The following NKAIN3 variants were observed in gnomAD, a reference collection of about 807,000 sequenced individuals.
The protein encoded by NKAIN3 is sodium/potassium transporting ATPase interacting 3.
A neutral mutation model predicts 30.2 loss-of-function variants in NKAIN3; 25 were observed. The ratio of observed to expected loss-of-function variants is 0.83; its 90% CI spans 0.60 to 1.16. The LOEUF (loss-of-function observed/expected upper bound fraction) is 1.16, where lower values mean the gene tolerates loss of function less well. NKAIN3 is among the 50% of genes most tolerant of loss of function. The pLI, the probability that NKAIN3 is intolerant of heterozygous loss-of-function variation, is 0.00. For synonymous variants in NKAIN3, 91 were observed against 89.6 expected (o/e 1.02, Z -0.09); for missense variants, 225 against 254.1 (o/e 0.89, Z 0.78).
downstream of NKAIN3, among the ~76,000 whole-genome samples, chr8:62,986,699 T>C (rs1166394538): frequency 6.6e-6 from 1 of 152,238 alleles, no homozygotes; most frequent in African/African-American, 2.4e-5. Context: ...GCATTTATTA[T>C]GGTACTCTTT....
intron 4 of NKAIN3, among the ~76,000 whole-genome samples, chr8:62,904,701 CA>C (rs1218132170): frequency 6.6e-6 from 1 of 152,180 alleles, no homozygotes; most frequent in African/African-American, 2.4e-5. Flanking sequence ...CCTCACTTTG[CA>C]ATGCAATTCT....
chr8:62,341,325 G>A (rs1019920487), intron 1 of NKAIN3, among the ~76,000 whole-genome samples: 1 of 152,090 alleles, frequency 6.6e-6, no homozygotes, highest in East Asian at 1.9e-4. Flanking sequence ...GGTGATATGA[G>A]TTCCCATACT....
At chr8:62,986,845 T>C (rs1824209392), downstream of NKAIN3, among the ~76,000 whole-genome samples, 1 of 152,204 alleles carries the variant, frequency 6.6e-6, no homozygotes, top group Non-Finnish European at 1.5e-5. Context: ...GGATAAAGAC[T>C]CAGATCCAAA....
intron 4 of NKAIN3, among the ~76,000 whole-genome samples, chr8:62,905,847 A>G (rs1448204127): frequency 1.3e-5 from 2 of 152,050 alleles, no homozygotes; most frequent in Non-Finnish European, 2.9e-5. Flanking sequence ...TCATCCATGG[A>G]CCCCTTCTCT....
At chr8:62,456,707 T>G (rs1209076021) in intron 1 of NKAIN3, among the ~76,000 whole-genome samples, 1 of 152,204 alleles carries the variant, frequency 6.6e-6, no homozygotes, top group East Asian at 1.9e-4. Context: ...TGCTGTGAAC[T>G]GATTATACAA....
intron 5 of NKAIN3, among the ~76,000 whole-genome samples, chr8:62,996,418 G>T (rs1245602472): frequency 6.6e-6 from 1 of 152,022 alleles, no homozygotes; most frequent in East Asian, 1.9e-4. Context: ...CGACACTTGG[G>T]GATTACAATT....
At chr8:62,707,869 T>TA (rs1330463066) in intron 3 of NKAIN3, among the ~76,000 whole-genome samples, 4 of 152,222 alleles carry the variant, frequency 2.6e-5, no homozygotes, top group Non-Finnish European at 5.9e-5. Flanking sequence ...GTCTTAGGTT[T>TA]AAGTCCCTAA....
At chr8:62,793,453 C>A (rs1817761122) in intron 4 of NKAIN3, among the ~76,000 whole-genome samples, 1 of 152,108 alleles carries the variant, frequency 6.6e-6, no homozygotes, top group Non-Finnish European at 1.5e-5. Context: ...ACTTACAAAC[C>A]TGTTTTGAAA....
At chr8:62,290,321 A>C (rs1813547983) in intron 1 of NKAIN3, among the ~76,000 whole-genome samples, 1 of 152,096 alleles carries the variant, frequency 6.6e-6, no homozygotes, top group African/African-American at 2.4e-5. Context: ...GTCTTGTGCC[A>C]GTTTTCAAAG....
chr8:62,368,285 T>C (rs1816799839), intron 1 of NKAIN3, among the ~76,000 whole-genome samples: 1 of 152,136 alleles, frequency 6.6e-6, no homozygotes, highest in Non-Finnish European at 1.5e-5. Flanking sequence ...TGAAATATCA[T>C]AGTACTTGAT....
At chr8:62,719,616 T>C (rs1815018612) in intron 3 of NKAIN3, among the ~76,000 whole-genome samples, 3 of 152,198 alleles carry the variant, frequency 2.0e-5, no homozygotes, top group African/African-American at 7.2e-5. Flanking sequence ...TATGGCTTTG[T>C]TCTGAATTGA....
At chr8:62,422,526 C>T (rs1411473994) in intron 1 of NKAIN3, among the ~76,000 whole-genome samples, 2 of 152,118 alleles carry the variant, frequency 1.3e-5, no homozygotes, top group African/African-American at 2.4e-5. Context: ...AAGTATTCTA[C>T]ACTGGTGATG....
At chr8:62,952,929 T>C (rs573270104) in intron 5 of NKAIN3, among the ~76,000 whole-genome samples, 1 of 152,246 alleles carries the variant, frequency 6.6e-6, no homozygotes, top group East Asian at 1.9e-4. Context: ...GAATAGAAGT[T>C]GATTTGAGAA....
intron 3 of NKAIN3, among the ~76,000 whole-genome samples, chr8:62,617,827 C>G (rs898651740): frequency 2.0e-5 from 3 of 152,102 alleles, no homozygotes; most frequent in Admixed American, 6.5e-5. Context: ...ACCTTCTTGT[C>G]CTCCCCCAGG....
intron 3 of NKAIN3, among the ~76,000 whole-genome samples, chr8:62,618,232 T>C (rs1438521999): frequency 6.6e-6 from 1 of 152,134 alleles, no homozygotes; most frequent in Non-Finnish European, 1.5e-5. Flanking sequence ...TTCTGAGAAA[T>C]TAAAATCTCT....
intron 3 of NKAIN3, among the ~76,000 whole-genome samples, chr8:62,648,187 T>C (rs1417479138): frequency 6.6e-6 from 1 of 152,140 alleles, no homozygotes; most frequent in Non-Finnish European, 1.5e-5. Context: ...GCCGTCCAAG[T>C]ACTATGTCCT....
intron 1 of NKAIN3, among the ~76,000 whole-genome samples, chr8:62,336,163 G>A (rs905154340): frequency 2.6e-5 from 4 of 151,994 alleles, no homozygotes; most frequent in African/African-American, 9.7e-5. Context: ...GGGAGAGCCT[G>A]GGAATGAGAA....
intron 4 of NKAIN3, among the ~76,000 whole-genome samples, chr8:62,749,574 C>G (rs1331845821): frequency 6.6e-6 from 1 of 151,784 alleles, no homozygotes; most frequent in African/African-American, 2.4e-5. Context: ...TCACAACTAT[C>G]CAATTATGTA....
intron 3 of NKAIN3, among the ~76,000 whole-genome samples, chr8:62,637,784 A>G (rs1812180690): frequency 6.6e-6 from 1 of 152,150 alleles, no homozygotes; most frequent in African/African-American, 2.4e-5. Context: ...TGTCCCACAC[A>G]TGAGAGTGAG....
Sources: gnomAD v4.1 joint callset for allele counts (sites outside exome capture counted in the v4.1 genomes callset) on GRCh38, gnomAD v4.1.1 for gene constraint, MANE v1.5 for transcripts, NCBI Gene and HGNC (gene_info 2026-07-23, HGNC 2026-07-21) for gene names.